The following RAB31 variants were observed in gnomAD, a reference collection of about 807,000 sequenced individuals.
The protein encoded by RAB31 is RAB31, member RAS oncogene family, also known as ras-related protein Rab-31.
In RAB31, 21 loss-of-function variants were observed where a neutral mutation model predicts 25.6. The ratio of observed to expected loss-of-function variants is 0.82; its 90% CI spans 0.58 to 1.18. The LOEUF (loss-of-function observed/expected upper bound fraction) is 1.18, where lower values mean the gene tolerates loss of function less well. Among genes scored for constraint, RAB31 ranks in the 50% most tolerant of loss-of-function variants. The pLI is 0.00. For synonymous variants in RAB31, 87 were observed against 84.0 expected (o/e 1.04, Z -0.20); for missense variants, 196 against 250.1 (o/e 0.78, Z 1.46).
rs186206744 is a variant in RAB31 at position 9,828,140 on chromosome 18, G to A, written c.380+12918G>A. Among the ~76,000 whole-genome samples the A allele has an allele frequency of 6.6e-5, 10 of 152,276 alleles. No homozygotes were observed. The South Asian group carries it at 1.9e-3, about 28-fold the overall frequency. On this transcript the variant is annotated intron_variant, in intron 5 of 6. Transcript: ENST00000578921. ...CTGGAGGTGGGAGCGAGCTTGGCAC[G>A]TGTTGGCAGGGAGGGGCCGTCAAGA...
At chr18:9,775,017 T>C (rs1230499789) in intron 1 of RAB31, 4 of 584,088 alleles carry the variant, frequency 6.8e-6, no homozygotes, top group South Asian at 3.1e-5. Context: ...ATGTTCATTT[T>C]TGGTTAAATA....
chr18:9,708,584 G>T lies in RAB31; in HGVS notation c.39+140G>T, dbSNP rs1367590273. The T allele has an allele frequency of 1.4e-6, 1 of 731,750 alleles. No individual in the cohort carries two copies. Among genetic ancestry groups the T allele is most frequent in the Non-Finnish European group, 2.0e-6 (1 of 501,166 alleles). 45.3% of individuals were successfully genotyped at this position (731,750 alleles called of 1,614,324 possible). A position where few individuals can be genotyped will look rare whatever the true frequency, so the allele number is the denominator to read the frequency against. ...CGTAGCCCCCGTCCCCCTCGTCCGC[G>T]CGCCCCCTGGTTCCCCGGGTCCCCC... On this transcript the variant is annotated intron_variant, in intron 1 of 6. Coordinates refer to ENST00000578921, the MANE Select transcript of RAB31 (RefSeq NM_006868.4). The surrounding 1 kb of genome is among the most constrained non-coding windows in gnomAD (Gnocchi z 6.4).
intron 3 of RAB31, among the ~76,000 whole-genome samples, chr18:9,811,510 A>G (rs2068570635): frequency 6.6e-6 from 1 of 152,232 alleles, no homozygotes; most frequent in Non-Finnish European, 1.5e-5. Flanking sequence ...AAGCTTCAGG[A>G]TCCACTTCTC....
intron 1 of RAB31, among the ~76,000 whole-genome samples, chr18:9,721,707 C>A (rs1373377875): frequency 6.6e-6 from 1 of 151,830 alleles, no homozygotes; most frequent in African/African-American, 2.4e-5. Context: ...CTGCTGTATA[C>A]CAGGCAGTTT....
At chr18:9,795,329 G>A (rs1332149082) in intron 3 of RAB31, among the ~76,000 whole-genome samples, 2 of 152,114 alleles carry the variant, frequency 1.3e-5, no homozygotes, top group African/African-American at 4.8e-5. Context: ...CATTGACTTA[G>A]GCAAAGGAAT....
intron 1 of RAB31, among the ~76,000 whole-genome samples, chr18:9,768,969 TGTTTTTCAAAG>T (rs970222303): frequency 1.1e-4 from 16 of 152,354 alleles, no homozygotes; most frequent in African/African-American, 2.9e-4. Flanking sequence ...CCCCATTGCT[TGTTTTTCAAAG>T]GTTTTTCAAA....
chr18:9,752,702 T>C lies in RAB31; in HGVS notation c.40-22576T>C, dbSNP rs113366400. Among the ~76,000 whole-genome samples the C allele has an allele frequency of 7.9e-5, 12 of 152,380 alleles. 1 individual carries two copies. The highest frequency in any genetic ancestry group is 2.6e-4 in the African/African-American group (11 of 41,584). Reference sequence around the variant, plus strand: ...CTATTTCTGTATGTTTTATATATTCTATGATACTTTAGTATAGTAGTACAG... The same window carrying C: ...CTATTTCTGTATGTTTTATATATTCCATGATACTTTAGTATAGTAGTACAG... On this transcript the variant is annotated intron_variant, in intron 1 of 6. Transcript: ENST00000578921.
chr18:9,834,783 G>A (rs2068696061), intron 5 of RAB31, among the ~76,000 whole-genome samples: 1 of 152,182 alleles, frequency 6.6e-6, no homozygotes, highest in Non-Finnish European at 1.5e-5. Context: ...TTAATCTTCT[G>A]TTCCTGGGGA....
chr18:9,725,251 C>T (rs1260623272), intron 1 of RAB31, among the ~76,000 whole-genome samples: 1 of 152,176 alleles, frequency 6.6e-6, no homozygotes, highest in Admixed American at 6.5e-5. Flanking sequence ...AAATGCTTTG[C>T]TTCAGCCCAG....
At chr18:9,747,558 A>G (rs1251852833) in intron 1 of RAB31, among the ~76,000 whole-genome samples, 2 of 152,232 alleles carry the variant, frequency 1.3e-5, no homozygotes, top group East Asian at 3.8e-4. Flanking sequence ...CACATGGTAC[A>G]ATGTGGATGA....
chr18:9,815,211 C>G lies in RAB31; in HGVS notation c.369C>G (p.Leu123=), dbSNP rs1361752366. The change falls in exon 5 of 7, where the codon CTC becomes CTG. Residue 123 remains leucine (L), a synonymous_variant. Coordinates refer to ENST00000578921, the MANE Select transcript of RAB31 (RefSeq NM_006868.4). ...VMAIAGNKCD[L]SDIREVPLKD... The stretch of plus-strand genomic sequence containing the variant: ...CCATCGCTGGAAACAAGTGCGACCT[C>G]TCAGATATTAGGTAAGATGCATTGA... 1.9e-6 allele frequency: 3 copies of G among 1,545,624 alleles called. No individual in the cohort carries two copies. Among genetic ancestry groups the G allele is most frequent in the Non-Finnish European group, 2.6e-6 (3 of 1,139,978 alleles).
chr18:9,746,353 C>T (rs1599021933), intron 1 of RAB31, among the ~76,000 whole-genome samples: 1 of 150,908 alleles, frequency 6.6e-6, no homozygotes, highest in South Asian at 2.1e-4. Flanking sequence ...CCAAAGCGAT[C>T]AACAGATTCA....
At chr18:9,744,430 A>G (rs916467135) in intron 1 of RAB31, among the ~76,000 whole-genome samples, 1 of 152,218 alleles carries the variant, frequency 6.6e-6, no homozygotes, top group Admixed American at 6.5e-5. Context: ...TTCTCCTTTT[A>G]ACTGGTTGTA....
chr18:9,761,934 G>A (rs1255671858), intron 1 of RAB31, among the ~76,000 whole-genome samples: 1 of 152,128 alleles, frequency 6.6e-6, no homozygotes, highest in African/African-American at 2.4e-5. Context: ...AGCCTCCCAA[G>A]TAGCTGGGAT....
chr18:9,728,163 T>C (rs78125864), intron 1 of RAB31, among the ~76,000 whole-genome samples: 17,544 of 152,256 alleles, frequency 0.12, 1,350 homozygotes, highest in Middle Eastern at 0.21. Flanking sequence ...AGGTAAACCT[T>C]GAGTATTATT....
At chr18:9,745,245 G>T (rs1443613464) in intron 1 of RAB31, among the ~76,000 whole-genome samples, 2 of 151,878 alleles carry the variant, frequency 1.3e-5, no homozygotes, top group African/African-American at 4.8e-5. Context: ...CTACCAAACT[G>T]TCTCAAGAAG....
chr18:9,836,774 G>A (rs2068706622), intron 5 of RAB31, among the ~76,000 whole-genome samples: 1 of 151,818 alleles, frequency 6.6e-6, no homozygotes, highest in Admixed American at 6.6e-5. Flanking sequence ...TGAAGCACAT[G>A]GGTAGAGTCA....
chr18:9,845,542 C>A, intron 5 of RAB31, 40 bp from the exon 6 acceptor site: 1 of 1,475,260 alleles, frequency 6.8e-7, no homozygotes, highest in Non-Finnish European at 9.0e-7. Context: ...ATTTTACAAA[C>A]AAACATTCAT....
intron 2 of RAB31, chr18:9,787,208 C>G (rs1447879435): frequency 1.5e-4 from 33 of 218,424 alleles, no homozygotes; most frequent in African/African-American, 6.7e-4. Flanking sequence ...ATGGGACTTA[C>G]TTAATCTATT....
Sources: gnomAD v4.1 joint callset for allele counts (sites outside exome capture counted in the v4.1 genomes callset) on GRCh38, gnomAD v4.1.1 for gene constraint, Gnocchi (gnomAD v3.1) non-coding constraint, MANE v1.5 for transcripts, NCBI Gene and HGNC (gene_info 2026-07-23, HGNC 2026-07-21) for gene names.